ATF7IP: variants seen among roughly 807,000 people sequenced by gnomAD.
ATF7IP encodes the protein activating transcription factor 7-interacting protein 1.
Under a neutral mutation model 106.4 loss-of-function variants are expected in ATF7IP, and 23 were observed. The ratio of observed to expected loss-of-function variants is 0.22; its 90% CI spans 0.16 to 0.31. ATF7IP has a LOEUF of 0.31. Ranked by LOEUF, ATF7IP falls within the 10% of genes least tolerant of loss-of-function variation. The pLI, the probability that ATF7IP is intolerant of heterozygous loss-of-function variation, is 1.00. For missense variants in ATF7IP, 1,334 were observed against 1,524.3 expected (o/e 0.88, Z 2.08); for synonymous variants, 542 against 539.0 (o/e 1.01, Z -0.08).
At chr12:14,414,274 T>A (rs1941078940) in intron 1 of ATF7IP, among the ~76,000 whole-genome samples, 1 of 152,216 alleles carries the variant, frequency 6.6e-6, no homozygotes, top group Admixed American at 6.5e-5. Context: ...GGGAGGTTTT[T>A]TACTTCCCAT....
intron 4 of ATF7IP, among the ~76,000 whole-genome samples, chr12:14,436,745 A>G (rs1250176730): frequency 6.6e-6 from 1 of 151,632 alleles, no homozygotes; most frequent in Non-Finnish European, 1.5e-5. Context: ...TTGATAATTT[A>G]ATTTTAAAAT....
chr12:14,437,210 A>G (rs1414653776), intron 4 of ATF7IP, among the ~76,000 whole-genome samples: 1 of 152,204 alleles, frequency 6.6e-6, no homozygotes, highest in African/African-American at 2.4e-5. Context: ...TTAGAGAGGA[A>G]TATTAAACTT....
intron 1 of ATF7IP, among the ~76,000 whole-genome samples, chr12:14,416,074 G>A (rs1941191471): frequency 6.6e-6 from 1 of 152,140 alleles, no homozygotes; most frequent in South Asian, 2.1e-4. Flanking sequence ...GCAGTAAGCA[G>A]TAAAGCAGAT....
chr12:14,420,354 G>C (rs971273244), intron 1 of ATF7IP: 4 of 152,510 alleles, frequency 2.6e-5, no homozygotes, highest in Middle Eastern at 3.2e-3. Context: ...AGTTGGCCTG[G>C]TGTGGTGGCT....
intron 1 of ATF7IP, among the ~76,000 whole-genome samples, chr12:14,374,835 A>G (rs10845989): frequency 0.33 from 49,722 of 151,998 alleles, 9,332 homozygotes; most frequent in Admixed American, 0.47. Flanking sequence ...TCAACTGGAA[A>G]TTCTCTAATT....
chr12:14,385,635 T>G (rs1279580801), intron 1 of ATF7IP, among the ~76,000 whole-genome samples: 1 of 152,204 alleles, frequency 6.6e-6, no homozygotes, highest in East Asian at 1.9e-4. Context: ...GAACATTTGA[T>G]CACCATAGTA....
chr12:14,448,607 C>CAATGTACA (rs1183543410), intron 6 of ATF7IP, among the ~76,000 whole-genome samples: 1 of 152,138 alleles, frequency 6.6e-6, no homozygotes, highest in East Asian at 1.9e-4. Flanking sequence ...AATAATGCTG[C>CAATGTACA]AATGTACATG....
At position 14,501,640 on chromosome 12, in the gene ATF7IP, A is replaced by G. The variant is rs1324238630; in HGVS notation, c.*3567A>G. ...GAGAAGTGGAGAGCTTTCTTCCTTGAAAAGTCGGTATTTGTTGAGATACCA... is the reference window on the plus strand; with the variant it reads ...GAGAAGTGGAGAGCTTTCTTCCTTGGAAAGTCGGTATTTGTTGAGATACCA... On this transcript the variant is annotated 3_prime_UTR_variant, in exon 15 of 15. Transcript: ENST00000261168. The G allele has an allele frequency of 6.6e-6, 1 of 152,194 alleles. No individual in the cohort carries two copies. The highest frequency in any genetic ancestry group is 1.5e-5 in the Non-Finnish European group (1 of 68,038). The allele number at this position is 152,194 out of a possible 1,614,324, so 9.4% of individuals were successfully genotyped here.
chr12:14,476,553 G>A (rs1442249054), intron 11 of ATF7IP: 1 of 151,520 alleles, frequency 6.6e-6, no homozygotes, highest in African/African-American at 2.4e-5. Context: ...CTTGATCCTT[G>A]CAAAAAAATC....
intron 1 of ATF7IP, among the ~76,000 whole-genome samples, chr12:14,368,531 C>T (rs904473526): frequency 2.6e-5 from 4 of 152,022 alleles, no homozygotes; most frequent in African/African-American, 9.7e-5. Context: ...CTACAGTGAA[C>T]GTTCTTGTAC....
chr12:14,424,992 T>C lies in ATF7IP; in HGVS notation c.1077T>C (p.Ile359=). Residue 359 remains isoleucine, a synonymous_variant, in exon 2 of 15, where the codon ATT becomes ATC. Coordinates refer to ENST00000261168, the MANE Select transcript of ATF7IP (RefSeq NM_018179.5). ...EETLETDDTT[I]CSDRPPENEK... is the part of the protein sequence containing the mutation. ...CTCTAGAAACAGATGATACAACTATTTGTTCAGATCGACCTCCTGAAAATG... is the reference window on the plus strand; with the variant it reads ...CTCTAGAAACAGATGATACAACTATCTGTTCAGATCGACCTCCTGAAAATG... The C allele has an allele frequency of 1.2e-6, 2 of 1,611,124 alleles. No individual in the cohort carries two copies. Among genetic ancestry groups the C allele is most frequent in the Non-Finnish European group, 1.7e-6 (2 of 1,179,288 alleles).
At chr12:14,448,006 A>C (rs2136668969) in intron 6 of ATF7IP, among the ~76,000 whole-genome samples, 1 of 152,050 alleles carries the variant, frequency 6.6e-6, no homozygotes, top group Admixed American at 6.5e-5. Context: ...TTAATATAGT[A>C]CTTTGTATAT....
In ATF7IP at chr12:14,424,379, C is replaced by T. The variant is rs747374218; in HGVS notation, c.464C>T (p.Thr155Ile). 44 of 1,613,880 alleles carry T rather than the reference C, an allele frequency of 2.7e-5. No homozygotes were observed. The highest frequency in any genetic ancestry group is 1.6e-4 in the Middle Eastern group (1 of 6,084). ...ASGVLASGDSTSGDPTSSEPS... is the reference protein window; with the variant it reads ...ASGVLASGDSISGDPTSSEPS... Reference sequence around the variant, plus strand: ...GGAGTACTGGCCTCTGGTGATTCCACCTCTGGTGATCCCACCTCTAGCGAG... The same window carrying T: ...GGAGTACTGGCCTCTGGTGATTCCATCTCTGGTGATCCCACCTCTAGCGAG... Residue 155 changes from threonine (T) to isoleucine (I), a missense_variant, in exon 2 of 15, where the codon ACC (threonine) becomes ATC (isoleucine). By Grantham distance (89) the Thr-to-Ile change is moderately conservative (BLOSUM62 -1). Around this residue, in one of 10 missense-constraint regions of ATF7IP, gnomAD observed 438 missense variants for 405.3 expected, o/e 1.08. Coordinates refer to ENST00000261168, the MANE Select transcript of ATF7IP (RefSeq NM_018179.5).
intron 2 of ATF7IP, among the ~76,000 whole-genome samples, chr12:14,428,116 A>G (rs1344051782): frequency 6.6e-6 from 1 of 152,166 alleles, no homozygotes; most frequent in Non-Finnish European, 1.5e-5. Flanking sequence ...GGCCAAGTCC[A>G]TAAAAAAGCC....
rs146459426 is a variant in ATF7IP, at chr12:14,493,821, A to G, written c.3281-2410A>G. Among the ~76,000 whole-genome samples the G allele has an allele frequency of 3.9e-5, 6 of 152,214 alleles. No homozygotes were observed. The East Asian group carries it at 1.2e-3, about 29-fold the overall frequency. ...AACTTCAGCGCTCTCTCTACAGGAG[A>G]TAAGACTCTCATTCAGGGCAATCTT... On this transcript the variant is annotated intron_variant, in intron 13 of 14. Transcript: ENST00000261168.
At chr12:14,445,137 C>T (rs1445947922) in intron 5 of ATF7IP, among the ~76,000 whole-genome samples, 10 of 151,708 alleles carry the variant, frequency 6.6e-5, no homozygotes, top group South Asian at 2.1e-4. Context: ...ACTACAGGCG[C>T]GCGCCACCAC....
intron 1 of ATF7IP, among the ~76,000 whole-genome samples, chr12:14,372,443 G>T (rs1357811081): frequency 7.1e-6 from 1 of 140,998 alleles, no homozygotes; most frequent in Admixed American, 7.6e-5. Flanking sequence ...GATGACTCAG[G>T]TACCTCAGCC....
chr12:14,414,906 G>T (rs868027562), intron 1 of ATF7IP, among the ~76,000 whole-genome samples: 2 of 152,052 alleles, frequency 1.3e-5, no homozygotes, highest in Non-Finnish European at 2.9e-5. Context: ...TGAAAAGTAC[G>T]TTTGGACAAA....
intron 6 of ATF7IP, among the ~76,000 whole-genome samples, chr12:14,454,942 G>C (rs944841409): frequency 2.0e-5 from 3 of 152,266 alleles, no homozygotes; most frequent in Non-Finnish European, 2.9e-5. Flanking sequence ...ACTTTGGGAG[G>C]CTGAGGCGGG....
Sources: allele counts gnomAD v4.1 joint callset (sites outside exome capture counted in the v4.1 genomes callset), GRCh38; gene constraint gnomAD v4.1.1; regional missense constraint gnomAD v4.1.1; transcripts MANE v1.5; gene names NCBI Gene and HGNC (gene_info 2026-07-23, HGNC 2026-07-21).